The following DAW1 variants were observed in gnomAD, a reference collection of about 807,000 sequenced individuals.
DAW1 encodes dynein assembly factor with WD repeats 1, also known as dynein assembly factor with WD repeat domains 1.
A neutral mutation model predicts 56.5 loss-of-function variants in DAW1; 47 were observed. The ratio of observed to expected loss-of-function variants is 0.83; its 90% CI spans 0.66 to 1.06. DAW1 has a LOEUF of 1.06. Among genes scored for constraint, DAW1 ranks in the 50% least tolerant of loss-of-function variants. The pLI is 0.00. For synonymous variants in DAW1, 190 were observed against 179.0 expected, an observed-to-expected ratio of 1.06 and a Z score of -0.49; for missense variants, 505 against 499.3, an observed-to-expected ratio of 1.01 and a Z score of -0.11.
intron 10 of DAW1, among the ~76,000 whole-genome samples, chr2:227,908,085 A>G (rs1019161328): frequency 2.6e-5 from 4 of 152,144 alleles, no homozygotes; most frequent in African/African-American, 9.7e-5. Flanking sequence ...GTGTGCTTCA[A>G]TCCTGTGACA....
chr2:227,875,541 G>T (rs1690859814), intron 1 of DAW1, among the ~76,000 whole-genome samples: 1 of 152,138 alleles, frequency 6.6e-6, no homozygotes, highest in Non-Finnish European at 1.5e-5. Flanking sequence ...CCCACCCAGG[G>T]TCTGCAGTTG....
At chr2:227,923,847 T>A in intron 12 of DAW1, 87 bp from the exon 13 acceptor site, 1 of 1,523,586 alleles carries the variant, frequency 6.6e-7, no homozygotes, top group Non-Finnish European at 9.0e-7. Flanking sequence ...TAATTACCAA[T>A]GGCCCAGAAA....
intron 1 of DAW1, among the ~76,000 whole-genome samples, chr2:227,883,092 A>G (rs1407141888): frequency 6.6e-6 from 1 of 152,218 alleles, no homozygotes; most frequent in Non-Finnish European, 1.5e-5. Context: ...TGAAAGAGTG[A>G]CTGAGAAACA....
At chr2:227,909,232 T>TTATCTAACTATC (rs1553603368) in intron 10 of DAW1, among the ~76,000 whole-genome samples, 1 of 138,882 alleles carries the variant, frequency 7.2e-6, no homozygotes, top group Non-Finnish European at 1.5e-5. Flanking sequence ...GGTGGTGATA[T>TTATCTAACTATC]TATCTATCTA....
At chr2:227,888,728 T>A (rs1691187820) in intron 2 of DAW1, among the ~76,000 whole-genome samples, 1 of 152,234 alleles carries the variant, frequency 6.6e-6, no homozygotes, top group Admixed American at 6.5e-5. Flanking sequence ...GTGTGTGACA[T>A]GATTTGTGAA....
rs138331799 is a variant in DAW1 at position 227,906,316 on chromosome 2, G to T, written c.836G>T (p.Gly279Val). The T allele has an allele frequency of 3.7e-6, 6 of 1,610,930 alleles. No individual in the cohort carries two copies. The highest frequency in any genetic ancestry group is 4.2e-6 in the Non-Finnish European group (5 of 1,178,036). The part of the protein sequence containing the change: ...FNWDCSLILT[G>V]SMDKTCKLWD... ...TGGGATTGCTCTCTAATATTAACTG[G>T]CTCTATGGACAAAACCTGCAAGGTG... The change falls in exon 9 of 13, where the codon GGC becomes GTC. Residue 279 changes from glycine (G) to valine (V), a missense_variant. By Grantham distance (109) the Gly-to-Val change is moderately radical. Transcript: ENST00000309931.
At chr2:227,873,835 C>G (rs1010617708) in intron 1 of DAW1, among the ~76,000 whole-genome samples, 1 of 152,098 alleles carries the variant, frequency 6.6e-6, no homozygotes, top group Non-Finnish European at 1.5e-5. Context: ...TGTGCACTAC[C>G]AAGCCCAGCT....
At chr2:227,880,334 C>T (rs578126515) in intron 1 of DAW1, among the ~76,000 whole-genome samples, 2 of 149,600 alleles carry the variant, frequency 1.3e-5, no homozygotes, top group Admixed American at 1.3e-4. Flanking sequence ...TTTAACAATG[C>T]TGTAATGTCC....
chr2:227,892,787 G>A (rs1429939584), intron 4 of DAW1, among the ~76,000 whole-genome samples: 1 of 152,060 alleles, frequency 6.6e-6, no homozygotes, highest in Non-Finnish European at 1.5e-5. Context: ...GTTGTTTTCT[G>A]TGCTGGGGAA....
At chr2:227,923,669 T>A (rs1692159365) in intron 12 of DAW1, among the ~76,000 whole-genome samples, 1 of 151,966 alleles carries the variant, frequency 6.6e-6, no homozygotes, top group South Asian at 2.1e-4. Flanking sequence ...TCTCTCCCAT[T>A]CTGAGAAGCC....
Position 227,921,437 on chromosome 2 carries a change from C to A in DAW1, c.1089C>A (p.Gly363=), listed in dbSNP as rs1490542227. ...FNPQGNHLLT[G]SSDKTARIWD... is the part of the protein sequence containing the mutation. The stretch of plus-strand genomic sequence containing the variant: ...CTCAAGGGAACCATCTTCTAACTGG[C>A]AGCTCTGACAAAACGGCTAGAATCT... The change falls in exon 12 of 13, where the codon GGC becomes GGA. Residue 363 remains glycine (G), a synonymous_variant. Coordinates refer to ENST00000309931, the MANE Select transcript of DAW1 (RefSeq NM_178821.3). The A allele has an allele frequency of 6.2e-7, 1 of 1,612,084 alleles. No homozygotes were observed. The highest frequency in any genetic ancestry group is 1.7e-5 in the Admixed American group (1 of 59,788).
Position 227,898,240 on chromosome 2 carries a change from G to C in DAW1, c.499G>C (p.Gly167Arg). Reference protein sequence around the residue: ...KTCKLWSVETGKCYHTFRGHT... With the variant: ...KTCKLWSVETRKCYHTFRGHT... ...TTGTAAACTCTGGAGTGTGGAAACA[G>C]GAAAATGTTACCATACCTTCAGGGG... Residue 167 changes from glycine to arginine, a missense_variant, in exon 6 of 13, where the codon GGA becomes CGA. Transcript: ENST00000309931. 6.3e-7 allele frequency: 1 copy of C among 1,576,142 alleles called. No individual in the cohort carries two copies. Among genetic ancestry groups the C allele is most frequent in the Non-Finnish European group, 8.6e-7 (1 of 1,158,336 alleles).
chr2:227,922,513 C>T (rs1692135285), intron 12 of DAW1, among the ~76,000 whole-genome samples: 1 of 152,164 alleles, frequency 6.6e-6, no homozygotes, highest in Non-Finnish European at 1.5e-5. Context: ...TAAGTGAGCA[C>T]AGAAGACCAG....
intron 1 of DAW1, among the ~76,000 whole-genome samples, chr2:227,873,456 A>T (rs113482015): frequency 6.6e-6 from 1 of 152,196 alleles, no homozygotes; most frequent in Admixed American, 6.5e-5. Context: ...GTATGGATAA[A>T]TGGATGTGTT....
intron 1 of DAW1, among the ~76,000 whole-genome samples, chr2:227,877,482 C>T (rs929256153): frequency 1.3e-5 from 2 of 152,196 alleles, no homozygotes; most frequent in African/African-American, 4.8e-5. Context: ...TTCTTCATGG[C>T]ACATATCACA....
At chr2:227,881,183 G>T (rs915026237) in intron 1 of DAW1, among the ~76,000 whole-genome samples, 1 of 152,226 alleles carries the variant, frequency 6.6e-6, no homozygotes, top group Non-Finnish European at 1.5e-5. Flanking sequence ...AATGTCCAAT[G>T]CATTAAGCAA....
At chr2:227,898,306 T>C (rs1691460966) in intron 6 of DAW1, 25 bp downstream of exon 6, 1 of 1,197,832 alleles carries the variant, frequency 8.3e-7, no homozygotes, top group Non-Finnish European at 1.1e-6. Context: ...CAATTTATTA[T>C]TATTTTATGT....
intron 8 of DAW1, 75 bp from the exon 9 acceptor site, chr2:227,906,161 G>C: frequency 1.7e-6 from 2 of 1,169,788 alleles, no homozygotes; most frequent in Admixed American, 3.8e-5. Flanking sequence ...ACACAGATGG[G>C]CTTGGCCTCA....
At chr2:227,899,568 T>C (rs111763267) in intron 6 of DAW1, among the ~76,000 whole-genome samples, 22 of 152,214 alleles carry the variant, frequency 1.4e-4, no homozygotes, top group Admixed American at 9.8e-4. Flanking sequence ...AAAAAGAATG[T>C]GCTAATAACT....
Sources: allele counts gnomAD v4.1 joint callset (sites outside exome capture counted in the v4.1 genomes callset), GRCh38; gene constraint gnomAD v4.1.1; transcripts MANE v1.5; gene names NCBI Gene and HGNC (gene_info 2026-07-23, HGNC 2026-07-21).